SCRIB: variants seen among roughly 807,000 people sequenced by gnomAD.
SCRIB encodes the protein scribble planar cell polarity protein.
A neutral mutation model predicts 170.0 loss-of-function variants in SCRIB; 72 were observed. The observed-to-expected ratio is 0.42, with a 90% confidence interval of 0.35 to 0.52. The LOEUF (loss-of-function observed/expected upper bound fraction) is 0.52. Among genes scored for constraint, SCRIB ranks in the 20% least tolerant of loss-of-function variants. The pLI is 0.02. For synonymous variants in SCRIB, 1,298 were observed against 1,044.3 expected (o/e 1.24, Z -4.68); for missense variants, 2,475 against 2,338.5 (o/e 1.06, Z -1.20).
chr8:143,798,459 A>G (rs1479943935), intron 24 of SCRIB, among the ~76,000 whole-genome samples: 1 of 152,086 alleles, frequency 6.6e-6, no homozygotes, highest in African/African-American at 2.4e-5. Context: ...TCCTGCTCTC[A>G]GTTGTACCAG....
chr8:143,814,995 C>T (rs1816000369), intron 1 of SCRIB: 1 of 521,274 alleles, frequency 1.9e-6, no homozygotes, highest in East Asian at 3.5e-5. Context: ...GGCTCGGTGA[C>T]AATCGCTATC....
Position 143,805,262 on chromosome 8 carries a change from C to T in SCRIB, c.2520G>A (p.Arg840=). The change falls in exon 19 of 37, where the codon CGG becomes CGA. Residue 840 remains arginine (R), a synonymous_variant. Transcript: ENST00000356994. The part of the protein sequence containing the change: ...PEDDYSPRER[R]GGGLRLPLLP... The stretch of plus-strand genomic sequence containing the variant: ...GCAGGGGCAGGCGCAGCCCCCCTCC[C>T]CGCCGCTCTCGGGGGCTGTAATCAT... 1.3e-6 allele frequency: 2 copies of T among 1,535,558 alleles called. No individual in the cohort carries two copies. Among genetic ancestry groups the T allele is most frequent in the Non-Finnish European group, 8.7e-7 (1 of 1,145,794 alleles).
At position 143,812,921 on chromosome 8, in the gene SCRIB, G is replaced by C; in HGVS notation, c.683C>G (p.Ser228Trp). The change falls in exon 8 of 37, where the codon TCG (serine) becomes TGG (tryptophan). Residue 228 changes from serine to tryptophan, a missense_variant. Ser to Trp is a radical substitution (Grantham distance 177). Around this residue, in one of 3 missense-constraint regions of SCRIB, gnomAD observed 487 missense variants for 558.1 expected, o/e 0.87. Coordinates refer to ENST00000356994, the MANE Select transcript of SCRIB (RefSeq NM_182706.5). ...AGGCAGCTCCTCCAGCCGGTTTTCC[G>C]ACACGTCCAGGCACACCAGGCGCCG... is the stretch of plus-strand genomic sequence containing the variant. ...NLRRLVCLDVSENRLEELPAE... is the reference protein window; with the variant it reads ...NLRRLVCLDVWENRLEELPAE... 1.9e-6 allele frequency: 3 copies of C among 1,612,466 alleles called. No individual in the cohort carries two copies. Among genetic ancestry groups the C allele is most frequent in the Non-Finnish European group, 2.5e-6 (3 of 1,179,890 alleles).
chr8:143,814,553 C>G (rs1815945384), intron 1 of SCRIB, among the ~76,000 whole-genome samples: 1 of 152,232 alleles, frequency 6.6e-6, no homozygotes, highest in South Asian at 2.1e-4. Context: ...GTACCACAGG[C>G]ACAGTGCTAC....
chr8:143,795,585 C>T, intron 24 of SCRIB, 55 bp from the exon 25 acceptor site: 1 of 1,378,512 alleles, frequency 7.3e-7, no homozygotes, highest in East Asian at 2.4e-5. Context: ...GGTCCCACCT[C>T]TGGGGCAGGC....
chr8:143,799,555 G>A (rs1381362469), intron 24 of SCRIB, among the ~76,000 whole-genome samples: 3 of 152,172 alleles, frequency 2.0e-5, no homozygotes, highest in Non-Finnish European at 2.9e-5. Flanking sequence ...CTCAGACAGC[G>A]CACACCCACC....
intron 4 of SCRIB, 41 bp from the exon 5 acceptor site, chr8:143,813,567 C>T (rs1386660346): frequency 1.9e-6 from 3 of 1,612,724 alleles, no homozygotes; most frequent in African/African-American, 2.7e-5. Flanking sequence ...GGAAGGAAAG[C>T]AGTGGCAGCA....
chr8:143,807,790 G>T (rs1815496825), intron 15 of SCRIB, among the ~76,000 whole-genome samples, 176 bp from the exon 16 acceptor site: 1 of 152,120 alleles, frequency 6.6e-6, no homozygotes, highest in Non-Finnish European at 1.5e-5. Context: ...CACACCTGGG[G>T]ACAAGCGGGG....
intron 35 of SCRIB, 93 bp downstream of exon 35, chr8:143,791,573 C>A (rs782706879): frequency 8.5e-6 from 13 of 1,533,842 alleles, no homozygotes; most frequent in Non-Finnish European, 1.2e-5. Context: ...GGCAGGGCCA[C>A]GGCAGAGCGT....
chr8:143,793,160 TC>T, intron 28 of SCRIB, 77 bp from the exon 29 acceptor site: 4 of 774,212 alleles, frequency 5.2e-6, no homozygotes, highest in Admixed American at 3.7e-5. Context: ...CCACCGGCTG[TC>T]CCCCCGCCTG....
Position 143,808,860 on chromosome 8 carries a change from G to C in SCRIB, c.1864C>G (p.Pro622Ala). ...KHFKISKLPQ[P>A]EAVVALLQGM... ...TGCAGCAGAGCCACAACGGCCTCGGGCTGGGGCAGCTTGGAGATCTTGAAG... is the reference window on the plus strand; with the variant it reads ...TGCAGCAGAGCCACAACGGCCTCGGCCTGGGGCAGCTTGGAGATCTTGAAG... Residue 622 changes from proline (P) to alanine (A), a missense_variant, in exon 15 of 37, where the codon CCC becomes GCC. Pro to Ala is a conservative substitution (Grantham distance 27). Around this residue, in one of 3 missense-constraint regions of SCRIB, gnomAD observed 1,966 missense variants for 1,742.9 expected, o/e 1.13. Coordinates refer to ENST00000356994, the MANE Select transcript of SCRIB (RefSeq NM_182706.5). 1 of 1,610,444 alleles carries C rather than the reference G, an allele frequency of 6.2e-7. No homozygotes were observed. The highest frequency in any genetic ancestry group is 8.5e-7 in the Non-Finnish European group (1 of 1,179,936).
In SCRIB at chr8:143,804,635, AC is replaced by A; in HGVS notation, c.2941del (p.Val981CysfsTer81). The A allele has an allele frequency of 6.5e-7, 1 of 1,528,176 alleles. No individual in the cohort carries two copies. 94.7% of individuals were successfully genotyped at this position (1,528,176 alleles called of 1,614,324 possible). A position where few individuals can be genotyped will look rare whatever the true frequency, so the allele number is the denominator to read the frequency against. ...TTSITTATPG[V>X]PGLPSLAPSL... ...GGGGGCCAGGCTCGGCAACCCAGGC[AC>A]CCCGGGGGTGGCAGTGGTTATGCTG... On this transcript the variant is annotated frameshift_variant, in exon 21 of 37. Coordinates refer to ENST00000356994, the MANE Select transcript of SCRIB (RefSeq NM_182706.5). LOFTEE classifies it high-confidence loss of function.
rs557836328 is a variant in SCRIB, at chr8:143,798,148, C to T, written c.3604-2618G>A. 3.5e-3 allele frequency among the ~76,000 whole-genome samples: 532 copies of T among 151,844 alleles called. 2 individuals carry two copies. Among genetic ancestry groups the T allele is most frequent in the Middle Eastern group, 0.014 (4 of 294 alleles). On this transcript the variant is annotated intron_variant, in intron 24 of 36. Coordinates refer to ENST00000356994, the MANE Select transcript of SCRIB (RefSeq NM_182706.5). ...GCAGACGCCTGTAATCCCAGCTACT[C>T]GGGAGGCTGAGGCAGGAGAATCGCT...
chr8:143,795,649 G>A (rs1814912456), intron 24 of SCRIB, 119 bp from the exon 25 acceptor site: 1 of 871,952 alleles, frequency 1.1e-6, no homozygotes, highest in South Asian at 1.5e-5. Context: ...CCGCGTCCCT[G>A]GGCAGGGCTG....
chr8:143,809,758 G>GA lies in SCRIB; in HGVS notation c.1531-41dup, dbSNP rs146249604. 237 of 1,588,714 alleles carry GA rather than the reference G, an allele frequency of 1.5e-4. No homozygotes were observed. In the African/African-American group the frequency reaches 3.0e-3, roughly 20 times the overall value. On this transcript the variant is annotated intron_variant, in intron 13 of 36. Transcript: ENST00000356994. Reference sequence around the variant, plus strand: ...GGGGTCAGGCTTCGACGGAGCTCCCGACTCACAGGCTGGCCACCTGGGATG... The same window carrying GA: ...GGGGTCAGGCTTCGACGGAGCTCCCGAACTCACAGGCTGGCCACCTGGGATG...
Position 143,805,402 on chromosome 8 carries a change from G to T in SCRIB, c.2380C>A (p.His794Asn), listed in dbSNP as rs868915959. The T allele has an allele frequency of 6.5e-7, 1 of 1,535,100 alleles. No individual in the cohort carries two copies. Among genetic ancestry groups the T allele is most frequent in the East Asian group, 2.4e-5 (1 of 41,452 alleles). Residue 794 changes from histidine (H) to asparagine (N), a missense_variant, in exon 19 of 37, where the codon CAC becomes AAC. By Grantham distance (68) the His-to-Asn change is moderately conservative. This residue lies in a region of SCRIB where 1,966 missense variants were observed against 1,742.9 expected (regional missense o/e 1.13). Coordinates refer to ENST00000356994, the MANE Select transcript of SCRIB (RefSeq NM_182706.5). ...NGVALQGAEH[H>N]EAVEALRGAG... The stretch of plus-strand genomic sequence containing the variant: ...CCCCGGAGCGCCTCCACGGCCTCGT[G>T]GTGCTCGGCGCCCTGCAGAGCCACA...
chr8:143,804,409 T>G (rs1018253667), intron 21 of SCRIB, among the ~76,000 whole-genome samples, 159 bp downstream of exon 21: 1 of 152,180 alleles, frequency 6.6e-6, no homozygotes, highest in Non-Finnish European at 1.5e-5. Flanking sequence ...AGTCTGGCTG[T>G]GGGGCAGAGC....
At chr8:143,798,130 C>A (rs1554634359) in intron 24 of SCRIB, among the ~76,000 whole-genome samples, 1 of 152,080 alleles carries the variant, frequency 6.6e-6, no homozygotes, top group Non-Finnish European at 1.5e-5. Context: ...GTGGCAGACG[C>A]CTGTAATCCC....
intron 27 of SCRIB, 75 bp downstream of exon 27, chr8:143,794,963 T>G: frequency 7.0e-7 from 1 of 1,438,662 alleles, no homozygotes; most frequent in South Asian, 1.2e-5. Context: ...CGGATGGCCC[T>G]GGCGTTTGTC....
Sources: gnomAD v4.1 joint callset for allele counts (sites outside exome capture counted in the v4.1 genomes callset) on GRCh38, gnomAD v4.1.1 for gene constraint, gnomAD v4.1.1 regional missense constraint, MANE v1.5 for transcripts, NCBI Gene and HGNC (gene_info 2026-07-23, HGNC 2026-07-21) for gene names.